The following LMTK2 variants were observed in gnomAD, a reference collection of about 807,000 sequenced individuals.
LMTK2 encodes serine/threonine-protein kinase LMTK2.
Under a neutral mutation model 127.5 loss-of-function variants are expected in LMTK2, and 37 were observed. The observed-to-expected ratio is 0.29, with a 90% CI of 0.22 to 0.38. LMTK2 has a LOEUF of 0.38. Among genes scored for constraint, LMTK2 ranks in the 10% least tolerant of loss-of-function variants. The pLI, the probability that LMTK2 is intolerant of heterozygous loss-of-function variation, is 1.00. For missense variants in LMTK2, 1,694 were observed against 1,920.3 expected (o/e 0.88, Z 2.20); for synonymous variants, 819 against 810.1 (o/e 1.01, Z -0.19).
chr7:98,116,673 A>C (rs992374005), intron 1 of LMTK2, among the ~76,000 whole-genome samples: 2 of 152,156 alleles, frequency 1.3e-5, no homozygotes, highest in Non-Finnish European at 1.5e-5. Context: ...TTAACATCCT[A>C]TATTAATGTA....
Position 98,203,936 on chromosome 7 carries a change from A to G in LMTK2, c.4241-8A>G. On this transcript the variant is annotated splice_region_variant and splice_polypyrimidine_tract_variant and intron_variant, in intron 12 of 13. Transcript: ENST00000297293. Reference sequence around the variant, plus strand: ...TAAAAAGGGTGGGGTTTTATTTTTTATTTCTAGGTGGTGGCTTTGAGTGGG... The same window carrying G: ...TAAAAAGGGTGGGGTTTTATTTTTTGTTTCTAGGTGGTGGCTTTGAGTGGG... The G allele has an allele frequency of 6.2e-7, 1 of 1,612,204 alleles. No individual in the cohort carries two copies. Among genetic ancestry groups the G allele is most frequent in the Non-Finnish European group, 8.5e-7 (1 of 1,179,532 alleles).
chr7:98,139,989 A>G (rs1001773523), intron 2 of LMTK2, among the ~76,000 whole-genome samples: 5 of 152,138 alleles, frequency 3.3e-5, no homozygotes, highest in African/African-American at 1.2e-4. Flanking sequence ...GTAAATTAAC[A>G]TGGATATCAA....
At chr7:98,165,906 C>T (rs1015179977) in intron 6 of LMTK2, among the ~76,000 whole-genome samples, 2 of 152,106 alleles carry the variant, frequency 1.3e-5, no homozygotes, top group Non-Finnish European at 2.9e-5. Context: ...TGACCAGAGC[C>T]AGCAGAGGGG....
At chr7:98,145,700 TTAATCA>T (rs1796763399) in intron 3 of LMTK2, among the ~76,000 whole-genome samples, 1 of 152,340 alleles carries the variant, frequency 6.6e-6, no homozygotes, top group African/African-American at 2.4e-5. Flanking sequence ...TACCATTCTC[TTAATCA>T]TAATCATGTC....
chr7:98,197,748 A>G (rs563245304), intron 11 of LMTK2, among the ~76,000 whole-genome samples: 1 of 152,326 alleles, frequency 6.6e-6, no homozygotes. Flanking sequence ...AGGCTGAGGC[A>G]GGAGGATCGC....
Position 98,193,271 on chromosome 7 carries a change from A to G in LMTK2, c.2806A>G (p.Ser936Gly). ...TAAACCATTTTCGGAAGACCATCAC[A>G]GTCATCGCCGGCTAGAGAAAAACTT... ...HNKPFSEDHH[S>G]HRRLEKNLEA... Residue 936 changes from serine to glycine, a missense_variant, in exon 11 of 14, where the codon AGT (serine) becomes GGT (glycine). Physicochemically the swap from Ser to Gly is moderately conservative, Grantham distance 56. Transcript: ENST00000297293. This position sits in a 1 kb window ranked among gnomAD's most constrained non-coding sequence, Gnocchi z 4.1. 1 of 1,613,824 alleles carries G rather than the reference A, an allele frequency of 6.2e-7. No homozygotes were observed.
intron 7 of LMTK2, among the ~76,000 whole-genome samples, chr7:98,172,081 A>T (rs142466325): frequency 5.9e-5 from 9 of 152,114 alleles, no homozygotes; most frequent in African/African-American, 2.2e-4. Flanking sequence ...GAGAATCTCT[A>T]GGCCAGCAGC....
In LMTK2 at chr7:98,141,416, A is replaced by T; in HGVS notation, c.251A>T (p.Asp84Val). The change falls in exon 3 of 14, where the codon GAT becomes GTT. Residue 84 changes from aspartate (D) to valine (V), a missense_variant. By Grantham distance (152) the Asp-to-Val change is radical (BLOSUM62 -3). This residue lies in a region of LMTK2 where 203 missense variants were observed against 226.2 expected (regional missense o/e 0.90). Transcript: ENST00000297293. Reference protein sequence around the residue: ...IDFKEFEDNFDDEIDFTPPAE... With the variant: ...IDFKEFEDNFVDEIDFTPPAE... ...TTTTAGGAATTTGAAGATAATTTTG[A>T]TGATGAGATAGATTTCACACCACCA... 1 of 1,613,828 alleles carries T rather than the reference A, an allele frequency of 6.2e-7. No individual in the cohort carries two copies. The highest frequency in any genetic ancestry group is 8.5e-7 in the Non-Finnish European group (1 of 1,179,742).
chr7:98,178,980 C>T (rs1162369537), intron 7 of LMTK2, among the ~76,000 whole-genome samples: 1 of 152,150 alleles, frequency 6.6e-6, no homozygotes, highest in Non-Finnish European at 1.5e-5. Context: ...GGGCTCCCTC[C>T]CACTGCATTG....
intron 5 of LMTK2, 126 bp downstream of exon 5, chr7:98,155,002 G>T: frequency 1.6e-6 from 1 of 617,850 alleles, no homozygotes; most frequent in Non-Finnish European, 2.9e-6. Flanking sequence ...GGTCTCATAA[G>T]ACCTAAAATG....
At position 98,193,513 on chromosome 7, in the gene LMTK2, C is replaced by T. The variant is rs545957488; in HGVS notation, c.3048C>T (p.His1016=). The T allele has an allele frequency of 2.5e-6, 4 of 1,614,140 alleles. No homozygotes were observed. In the East Asian group the frequency reaches 8.9e-5, roughly 36 times the overall value. Residue 1016 remains histidine, a synonymous_variant, in exon 11 of 14, where the codon CAC becomes CAT. Transcript: ENST00000297293. The surrounding 1 kb of genome is among the most constrained non-coding windows in gnomAD (Gnocchi z 4.1). ...HEALLDSLGS[H]TPQKLVPPDK... ...CGCTACTGGACTCTTTAGGATCTCACACTCCCCAGAAACTAGTGCCCCCCG... is the reference window on the plus strand; with the variant it reads ...CGCTACTGGACTCTTTAGGATCTCATACTCCCCAGAAACTAGTGCCCCCCG...
chr7:98,114,208 G>C (rs546876888), intron 1 of LMTK2, among the ~76,000 whole-genome samples: 3 of 147,392 alleles, frequency 2.0e-5, no homozygotes, highest in South Asian at 4.4e-4. Context: ...TGGTAGGTAG[G>C]TTTTGCATTT....
intron 13 of LMTK2, 123 bp downstream of exon 13, chr7:98,204,309 A>G (rs1797756664): frequency 1.5e-6 from 2 of 1,314,630 alleles, no homozygotes; most frequent in East Asian, 4.7e-5. Context: ...TGAGTAGATT[A>G]CAAACTTGTT....
chr7:98,139,380 A>T (rs538702098), intron 2 of LMTK2, among the ~76,000 whole-genome samples: 63 of 152,094 alleles, frequency 4.1e-4, no homozygotes, highest in Non-Finnish European at 6.6e-4. Flanking sequence ...CTCCCAAAGT[A>T]CTAGGATTAC....
intron 1 of LMTK2, among the ~76,000 whole-genome samples, chr7:98,124,125 G>T (rs550094745): frequency 6.6e-6 from 1 of 152,226 alleles, no homozygotes; most frequent in Admixed American, 6.5e-5. Flanking sequence ...GGTGATACTT[G>T]AAAGTCTGTT....
At chr7:98,162,581 A>G (rs1048058639) in intron 6 of LMTK2, among the ~76,000 whole-genome samples, 26 of 152,122 alleles carry the variant, frequency 1.7e-4, no homozygotes, top group African/African-American at 5.8e-4. Flanking sequence ...GGGGACGGTC[A>G]CTCCTGAACA....
At chr7:98,126,461 A>G (rs964931036) in intron 1 of LMTK2, 3 of 152,204 alleles carry the variant, frequency 2.0e-5, no homozygotes, top group East Asian at 1.9e-4. Context: ...TGTTAAAGAC[A>G]TGGAAGTGCC....
In LMTK2 at chr7:98,192,349, C is replaced by G; in HGVS notation, c.1884C>G (p.Pro628=). Residue 628 remains proline (P), a synonymous_variant, in exon 11 of 14, where the codon CCC becomes CCG. Coordinates refer to ENST00000297293, the MANE Select transcript of LMTK2 (RefSeq NM_014916.4). The part of the protein sequence containing the change: ...LPGDLHVTSG[P]ESPFNNIFND... Reference sequence around the variant, plus strand: ...GGGACTTACACGTGACCAGTGGCCCCGAGAGCCCTTTCAACAATATATTTA... The same window carrying G: ...GGGACTTACACGTGACCAGTGGCCCGGAGAGCCCTTTCAACAATATATTTA... 6.3e-7 allele frequency: 1 copy of G among 1,583,576 alleles called. No individual in the cohort carries two copies. The highest frequency in any genetic ancestry group is 8.6e-7 in the Non-Finnish European group (1 of 1,168,760).
intron 9 of LMTK2, among the ~76,000 whole-genome samples, chr7:98,187,872 C>T (rs1797464841): frequency 6.6e-6 from 1 of 152,190 alleles, no homozygotes; most frequent in Non-Finnish European, 1.5e-5. Flanking sequence ...ACTGGGATTA[C>T]AGGCGTGAGC....
Sources: allele counts gnomAD v4.1 joint callset (sites outside exome capture counted in the v4.1 genomes callset), GRCh38; gene constraint gnomAD v4.1.1; regional missense constraint gnomAD v4.1.1; non-coding constraint Gnocchi (gnomAD v3.1); transcripts MANE v1.5; gene names NCBI Gene and HGNC (gene_info 2026-07-23, HGNC 2026-07-21).